Variants in HEPHL1 observed in about 807,000 individuals in gnomAD.
The protein encoded by HEPHL1 is ferroxidase HEPHL1.
HEPHL1 carries 123 observed loss-of-function variants against 122.0 expected under a neutral mutation model. That is an observed-to-expected ratio of 1.01 (90% CI 0.87 to 1.17). The LOEUF (loss-of-function observed/expected upper bound fraction) is 1.17. Among genes scored for constraint, HEPHL1 ranks in the 50% most tolerant of loss-of-function variants. The probability of loss-of-function intolerance (pLI) is 0.00; values close to 1 mark genes in which losing one functional copy is unlikely to be tolerated. For missense variants in HEPHL1, 1,452 were observed against 1,430.5 expected (o/e 1.01, Z -0.24); for synonymous variants, 527 against 508.9 (o/e 1.04, Z -0.48).
chr11:94,046,494 C>T (rs1172405141), intron 2 of HEPHL1, among the ~76,000 whole-genome samples: 1 of 148,996 alleles, frequency 6.7e-6, no homozygotes, highest in Non-Finnish European at 1.5e-5. Flanking sequence ...CTCCACCACG[C>T]ACCAGGAACA....
rs745514068 is a variant in HEPHL1, at chr11:94,067,495, G to T, written c.809-1G>T. On this transcript the variant is annotated splice_acceptor_variant, in intron 4 of 19. Coordinates refer to ENST00000315765, the MANE Select transcript of HEPHL1 (RefSeq NM_001098672.2). LOFTEE classifies it high-confidence loss of function. The stretch of plus-strand genomic sequence containing the variant: ...TTCCACTAGCGTGTTTCTGTTTCCA[G>T]CCCTCAATGGATACCTCTTCGGAAA... 6.2e-7 allele frequency: 1 copy of T among 1,612,282 alleles called. No homozygotes were observed. Among genetic ancestry groups the T allele is most frequent in the Admixed American group, 1.7e-5 (1 of 59,972 alleles).
intron 13 of HEPHL1, 66 bp from the exon 14 acceptor site, chr11:94,101,129 A>G (rs1486561861): frequency 3.9e-6 from 6 of 1,539,096 alleles, no homozygotes; most frequent in Non-Finnish European, 5.3e-6. Flanking sequence ...ACTACTGCCT[A>G]TATTTAAATT....
At chr11:94,096,052 C>T (rs192886097) in intron 13 of HEPHL1, among the ~76,000 whole-genome samples, 1 of 152,296 alleles carries the variant, frequency 6.6e-6, no homozygotes, top group East Asian at 1.9e-4. Flanking sequence ...ACTTCCAACA[C>T]TATGTTGAAC....
At chr11:94,092,184 G>A (rs1946267268) in intron 12 of HEPHL1, among the ~76,000 whole-genome samples, 1 of 151,984 alleles carries the variant, frequency 6.6e-6, no homozygotes, top group South Asian at 2.1e-4. Context: ...GGAAGGGGTG[G>A]GTCTCACTGT....
At chr11:94,062,899 C>T (rs1050805449) in intron 2 of HEPHL1, among the ~76,000 whole-genome samples, 1 of 152,208 alleles carries the variant, frequency 6.6e-6, no homozygotes, top group Non-Finnish European at 1.5e-5. Context: ...CCTTGTATAG[C>T]ACAGGCATCC....
chr11:94,035,542 G>A (rs781643532), intron 1 of HEPHL1, among the ~76,000 whole-genome samples: 2 of 152,082 alleles, frequency 1.3e-5, no homozygotes, highest in Admixed American at 6.5e-5. Flanking sequence ...TGTGCACAAC[G>A]TGCAGGTTTG....
rs1642953394 is a variant in HEPHL1 at position 94,093,562 on chromosome 11, G to T, written c.2356G>T (p.Val786Phe). ...NWIGSQYKKV[V>F]YREYTDGEFV... is the part of the protein sequence containing the mutation. The stretch of plus-strand genomic sequence containing the variant: ...GATTGGCTCTCAGTACAAGAAGGTG[G>T]TTTACAGGGAATATACGGATGGAGA... Residue 786 changes from valine to phenylalanine, a missense_variant, in exon 13 of 20, where the codon GTT (valine) becomes TTT (phenylalanine). Coordinates refer to ENST00000315765, the MANE Select transcript of HEPHL1 (RefSeq NM_001098672.2). 1.9e-6 allele frequency: 3 copies of T among 1,613,810 alleles called. No individual in the cohort carries two copies. The highest frequency in any genetic ancestry group is 2.5e-6 in the Non-Finnish European group (3 of 1,179,852).
At position 94,110,860 on chromosome 11, in the gene HEPHL1, C is replaced by G. The variant is rs1305569377; in HGVS notation, c.3046-43C>G. 3 of 1,538,980 alleles carry G rather than the reference C, an allele frequency of 1.9e-6. No homozygotes were observed. In the Admixed American group the frequency reaches 5.5e-5, roughly 28 times the overall value. On this transcript the variant is annotated intron_variant, in intron 17 of 19. Transcript: ENST00000315765. ...TTCTTTCTGTTCTTGCTGTTCTGAG[C>G]AAAGAAGGCTACTAGCTGTTGTTTT...
intron 2 of HEPHL1, among the ~76,000 whole-genome samples, chr11:94,052,693 G>C (rs1390556392): frequency 1.3e-5 from 2 of 151,934 alleles, no homozygotes; most frequent in East Asian, 3.8e-4. Context: ...AGTAAGTACT[G>C]GATTTTTTTC....
intron 1 of HEPHL1, among the ~76,000 whole-genome samples, chr11:94,036,895 T>G (rs1169947194): frequency 6.7e-6 from 1 of 149,366 alleles, no homozygotes; most frequent in East Asian, 2.0e-4. Context: ...ACAGCTCTGG[T>G]CTACAGCTCC....
At chr11:94,033,422 A>C (rs1565344400) in intron 1 of HEPHL1, among the ~76,000 whole-genome samples, 2 of 151,982 alleles carry the variant, frequency 1.3e-5, no homozygotes, top group Non-Finnish European at 2.9e-5. Flanking sequence ...GGACCCGAAG[A>C]CTCTGGAGCA....
chr11:94,061,152 C>T (rs1302537673), intron 2 of HEPHL1, among the ~76,000 whole-genome samples: 1 of 152,154 alleles, frequency 6.6e-6, no homozygotes, highest in African/African-American at 2.4e-5. Flanking sequence ...GGCTGAGGAC[C>T]AAGCTTGGTA....
At chr11:94,054,892 T>G (rs1289032517) in intron 2 of HEPHL1, 2 of 152,336 alleles carry the variant, frequency 1.3e-5, no homozygotes, top group African/African-American at 4.8e-5. Context: ...GTGATTTTAC[T>G]TTTATTTTCT....
intron 2 of HEPHL1, among the ~76,000 whole-genome samples, chr11:94,058,594 A>G (rs559879772): frequency 6.6e-6 from 1 of 152,344 alleles, no homozygotes; most frequent in Non-Finnish European, 1.5e-5. Flanking sequence ...CTAATGCCTG[A>G]GCCAGACCTC....
chr11:94,052,695 AT>A (rs890045979), intron 2 of HEPHL1, among the ~76,000 whole-genome samples: 2 of 151,534 alleles, frequency 1.3e-5, no homozygotes, highest in African/African-American at 4.8e-5. Flanking sequence ...TAAGTACTGG[AT>A]TTTTTTCAAT....
At chr11:94,023,342 C>T (rs1945597163) in intron 1 of HEPHL1, among the ~76,000 whole-genome samples, 1 of 152,174 alleles carries the variant, frequency 6.6e-6, no homozygotes, top group Non-Finnish European at 1.5e-5. Flanking sequence ...TCTCTTTTGT[C>T]ACTCTTCCTA....
At chr11:94,075,152 A>C (rs1363192665) in intron 8 of HEPHL1, 22 bp from the exon 9 acceptor site, 1 of 1,601,232 alleles carries the variant, frequency 6.2e-7, no homozygotes, top group Admixed American at 1.7e-5. Flanking sequence ...GTTTTGAATA[A>C]TTGTTTTGTT....
chr11:94,109,760 T>TATAGATAC (rs1946434737), intron 17 of HEPHL1, among the ~76,000 whole-genome samples: 2 of 152,220 alleles, frequency 1.3e-5, no homozygotes, highest in African/African-American at 4.8e-5. Flanking sequence ...GATGATGGTA[T>TATAGATAC]CTATGTTCAT....
intron 9 of HEPHL1, among the ~76,000 whole-genome samples, chr11:94,080,115 A>C (rs899582392): frequency 6.6e-6 from 1 of 152,220 alleles, no homozygotes. Flanking sequence ...GCAATTGAGC[A>C]AAATAGAGAA....
Sources: gnomAD v4.1 joint callset for allele counts (sites outside exome capture counted in the v4.1 genomes callset) on GRCh38, gnomAD v4.1.1 for gene constraint, MANE v1.5 for transcripts, NCBI Gene and HGNC (gene_info 2026-07-23, HGNC 2026-07-21) for gene names.